The following PBX3 variants were observed in gnomAD, a reference collection of about 807,000 sequenced individuals.
PBX3 encodes PBX homeobox 3.
Under a neutral mutation model 48.5 loss-of-function variants are expected in PBX3, and 14 were observed. The observed-to-expected ratio is 0.29, with a 90% CI of 0.19 to 0.45. The LOEUF is 0.45. Among genes scored for constraint, PBX3 ranks in the 20% least tolerant of loss-of-function variants. The pLI is 1.00. For missense variants in PBX3, 386 were observed against 546.7 expected, an observed-to-expected ratio of 0.71 and a Z score of 2.93; for synonymous variants, 210 against 200.3, an observed-to-expected ratio of 1.05 and a Z score of -0.41.
chr9:125,832,202 C>CTTT (rs71376115), intron 2 of PBX3, among the ~76,000 whole-genome samples: 1 of 147,294 alleles, frequency 6.8e-6, no homozygotes, highest in Non-Finnish European at 1.5e-5. Context: ...TCTTTTCTTT[C>CTTT]TTTTTTTTTT....
chr9:125,822,983 T>TAAA (rs201653798), intron 2 of PBX3, among the ~76,000 whole-genome samples: 1 of 137,290 alleles, frequency 7.3e-6, no homozygotes, highest in African/African-American at 2.6e-5. Flanking sequence ...GCTAAGTAGC[T>TAAA]AAAAAAAAAA....
At chr9:125,751,166 A>G (rs912564602) in intron 2 of PBX3, among the ~76,000 whole-genome samples, 1 of 152,226 alleles carries the variant, frequency 6.6e-6, no homozygotes, top group Non-Finnish European at 1.5e-5. Context: ...AATTTAGAGA[A>G]AGTTTACCTA....
chr9:125,781,689 TTTG>T (rs1449539235), intron 2 of PBX3, among the ~76,000 whole-genome samples: 2 of 152,136 alleles, frequency 1.3e-5, no homozygotes, highest in Non-Finnish European at 2.9e-5. Context: ...TGTTCTGTGT[TTTG>T]TTGTTTCCAC....
At chr9:125,938,569 A>C (rs185436628) in intron 5 of PBX3, among the ~76,000 whole-genome samples, 3 of 152,332 alleles carry the variant, frequency 2.0e-5, no homozygotes, top group Admixed American at 2.0e-4. Flanking sequence ...CATTGGGTGT[A>C]GTATTTCATC....
At chr9:125,953,542 A>G (rs572137131) in intron 5 of PBX3, among the ~76,000 whole-genome samples, 27 of 152,246 alleles carry the variant, frequency 1.8e-4, no homozygotes, top group Admixed American at 2.0e-4. Context: ...TTTTCTCAAG[A>G]TAAGTTTTAG....
intron 2 of PBX3, among the ~76,000 whole-genome samples, chr9:125,780,493 G>C (rs1200854869): frequency 1.4e-5 from 2 of 141,608 alleles, no homozygotes; most frequent in Non-Finnish European, 3.1e-5. Context: ...CTCCCGGACG[G>C]GGCGTCTGGC....
chr9:125,891,715 G>A (rs904371395), intron 2 of PBX3, among the ~76,000 whole-genome samples: 1 of 152,146 alleles, frequency 6.6e-6, no homozygotes, highest in African/African-American at 2.4e-5. Context: ...TTAACCATGA[G>A]CCCTTGGAAT....
At chr9:125,777,226 C>G (rs76148985) in intron 2 of PBX3, among the ~76,000 whole-genome samples, 1 of 152,090 alleles carries the variant, frequency 6.6e-6, no homozygotes, top group Non-Finnish European at 1.5e-5. Context: ...GTTGCCCAGG[C>G]TGGTTTGAAC....
At chr9:125,875,586 A>G (rs1303535314) in intron 2 of PBX3, among the ~76,000 whole-genome samples, 1 of 152,118 alleles carries the variant, frequency 6.6e-6, no homozygotes, top group East Asian at 1.9e-4. Context: ...GCACTCAGTA[A>G]ATGATTATTC....
chr9:125,873,325 A>G (rs1048870276), intron 2 of PBX3, among the ~76,000 whole-genome samples: 1 of 152,194 alleles, frequency 6.6e-6, no homozygotes, highest in African/African-American at 2.4e-5. Flanking sequence ...TATACGGAAA[A>G]ATTTAATAAT....
chr9:125,887,745 TAAA>T (rs1175501963), intron 2 of PBX3, among the ~76,000 whole-genome samples: 1 of 152,164 alleles, frequency 6.6e-6, no homozygotes, highest in Admixed American at 6.5e-5. Flanking sequence ...TTCTTAAAAG[TAAA>T]AAGTTCCAGA....
At chr9:125,799,629 A>C (rs568602016) in intron 2 of PBX3, among the ~76,000 whole-genome samples, 62 of 152,366 alleles carry the variant, frequency 4.1e-4, no homozygotes, top group African/African-American at 1.5e-3. Context: ...TAAGCATTAT[A>C]GTGTAGACAA....
chr9:125,930,634 T>C (rs1588308370), intron 4 of PBX3, among the ~76,000 whole-genome samples: 2 of 152,346 alleles, frequency 1.3e-5, no homozygotes, highest in Admixed American at 6.5e-5. Flanking sequence ...TTAAAGGAAA[T>C]AACTAAGATA....
intron 2 of PBX3, among the ~76,000 whole-genome samples, chr9:125,822,987 A>AG (rs1838698956): frequency 6.6e-6 from 1 of 151,854 alleles, no homozygotes; most frequent in African/African-American, 2.4e-5. Context: ...AGTAGCTAAA[A>AG]AAAAAAAAAA....
chr9:125,903,974 A>C (rs867143820), intron 2 of PBX3, among the ~76,000 whole-genome samples: 1 of 151,936 alleles, frequency 6.6e-6, no homozygotes. Flanking sequence ...TAATAATAGT[A>C]CCTGCCTTAC....
intron 2 of PBX3, among the ~76,000 whole-genome samples, chr9:125,752,799 T>C (rs933792170): frequency 1.3e-5 from 2 of 152,254 alleles, no homozygotes; most frequent in South Asian, 4.1e-4. Flanking sequence ...TGTTATTATA[T>C]ATTTTGCATA....
At chr9:125,945,160 T>C (rs141906647) in intron 5 of PBX3, among the ~76,000 whole-genome samples, 1,663 of 150,976 alleles carry the variant, frequency 0.011, 44 homozygotes, top group African/African-American at 0.038. Context: ...GGAGGCGGAG[T>C]TTGCAGTGAG....
At chr9:125,951,805 C>T (rs563145545) in intron 5 of PBX3, among the ~76,000 whole-genome samples, 1 of 152,260 alleles carries the variant, frequency 6.6e-6, no homozygotes, top group South Asian at 2.1e-4. Context: ...GCTCTCAAAC[C>T]CATTTATCCA....
At chr9:125,796,326 A>T (rs574179190) in intron 2 of PBX3, among the ~76,000 whole-genome samples, 21 of 152,172 alleles carry the variant, frequency 1.4e-4, no homozygotes, top group South Asian at 6.2e-4. Flanking sequence ...TACTTATATC[A>T]CCAGGTTTCA....
Sources: allele counts gnomAD v4.1 joint callset (sites outside exome capture counted in the v4.1 genomes callset), GRCh38; gene constraint gnomAD v4.1.1; transcripts MANE v1.5; gene names NCBI Gene and HGNC (gene_info 2026-07-23, HGNC 2026-07-21).